The following FBXW11 variants were observed in gnomAD, a reference collection of about 807,000 sequenced individuals.
FBXW11 encodes F-box and WD repeat domain containing 11, also known as F-box/WD repeat-containing protein 11.
Under a neutral mutation model 77.6 loss-of-function variants are expected in FBXW11, and 19 were observed. The observed-to-expected ratio is 0.24, with a 90% CI of 0.17 to 0.36. The LOEUF (loss-of-function observed/expected upper bound fraction) is 0.36, where lower values mean the gene tolerates loss of function less well. Among genes scored for constraint, FBXW11 ranks in the 10% least tolerant of loss-of-function variants. The pLI is 1.00. For missense variants in FBXW11, 334 were observed against 704.2 expected (o/e 0.47, Z 5.95); for synonymous variants, 235 against 249.4 (o/e 0.94, Z 0.54).
chr5:171,987,938 C>T (rs1036890268), intron 1 of FBXW11, among the ~76,000 whole-genome samples: 8 of 152,070 alleles, frequency 5.3e-5, no homozygotes, highest in Non-Finnish European at 7.4e-5. Flanking sequence ...CCAAACAATA[C>T]CTAGAACAGA....
intron 6 of FBXW11, among the ~76,000 whole-genome samples, chr5:171,893,446 A>AAAAAAAAAAAAAAAAC (rs1382279919): frequency 6.8e-6 from 1 of 147,990 alleles, no homozygotes; most frequent in African/African-American, 2.5e-5. Context: ...AAAAAAAAAA[A>AAAAAAAAAAAAAAAAC]ACTAACCCAA....
chr5:171,867,228 T>C (rs571975851), intron 13 of FBXW11, among the ~76,000 whole-genome samples: 2 of 152,322 alleles, frequency 1.3e-5, no homozygotes, highest in African/African-American at 2.4e-5. Flanking sequence ...ATATTTCAGA[T>C]GTTGTAGGCC....
intron 2 of FBXW11, among the ~76,000 whole-genome samples, chr5:171,920,864 G>A (rs1468088217): frequency 5.9e-5 from 9 of 152,000 alleles, no homozygotes; most frequent in Admixed American, 3.3e-4. Context: ...CCTGGGAAAC[G>A]AATGCATTCT....
intron 1 of FBXW11, among the ~76,000 whole-genome samples, chr5:172,001,089 C>A (rs1002606713): frequency 7.2e-5 from 11 of 152,166 alleles, no homozygotes; most frequent in African/African-American, 2.4e-4. Flanking sequence ...ACACACCACC[C>A]ACCTCTTCCC....
chr5:172,005,837 C>T (rs1451055555), intron 1 of FBXW11, among the ~76,000 whole-genome samples: 1 of 152,112 alleles, frequency 6.6e-6, no homozygotes, highest in African/African-American at 2.4e-5. Context: ...GGGTAGGAAA[C>T]CCTTTGTCCG....
At chr5:171,934,281 G>A (rs770412445) in intron 2 of FBXW11, among the ~76,000 whole-genome samples, 4 of 152,048 alleles carry the variant, frequency 2.6e-5, no homozygotes, top group Non-Finnish European at 5.9e-5. Context: ...CAGAAGAAAT[G>A]TAATAAGAAT....
At chr5:171,951,186 T>C (rs1763293877) in intron 2 of FBXW11, among the ~76,000 whole-genome samples, 1 of 135,576 alleles carries the variant, frequency 7.4e-6, no homozygotes, top group South Asian at 2.7e-4. Context: ...GTTCCTATAA[T>C]ACAACCCCCG....
intron 1 of FBXW11, chr5:171,977,487 C>T (rs1197483224): frequency 1.7e-5 from 6 of 357,066 alleles, no homozygotes; most frequent in Admixed American, 6.5e-5. Flanking sequence ...ATATGATCCT[C>T]GCCCCCATGG....
At chr5:171,945,308 G>A (rs1762952282) in intron 2 of FBXW11, among the ~76,000 whole-genome samples, 1 of 152,160 alleles carries the variant, frequency 6.6e-6, no homozygotes, top group African/African-American at 2.4e-5. Flanking sequence ...ATTTAGAAAA[G>A]TCTGTTTACA....
intron 2 of FBXW11, among the ~76,000 whole-genome samples, chr5:171,948,344 A>C (rs547674146): frequency 7.9e-5 from 12 of 152,230 alleles, no homozygotes; most frequent in South Asian, 6.2e-4. Flanking sequence ...ACAAAATGAC[A>C]GAAAACAAAG....
Position 171,876,223 on chromosome 5 carries a change from T to C in FBXW11, c.1221+62A>G, listed in dbSNP as rs1758074450. 1.1e-5 allele frequency: 17 copies of C among 1,595,342 alleles called. No homozygotes were observed. The highest frequency in any genetic ancestry group is 1.5e-5 in the Non-Finnish European group (17 of 1,168,738). Reference sequence around the variant, plus strand: ...GTACCAGGTTGGTATAAGCCACCTCTGCTTTGTCTCTGTTCTAAAAGGGAC... The same window carrying C: ...GTACCAGGTTGGTATAAGCCACCTCCGCTTTGTCTCTGTTCTAAAAGGGAC... On this transcript the variant is annotated intron_variant, in intron 9 of 13. Transcript: ENST00000517395. This position sits in a 1 kb window ranked among gnomAD's most constrained non-coding sequence, Gnocchi z 4.2.
intron 1 of FBXW11, among the ~76,000 whole-genome samples, chr5:172,005,307 A>T (rs558827674): frequency 2.0e-5 from 3 of 152,212 alleles, no homozygotes; most frequent in Non-Finnish European, 4.4e-5. Flanking sequence ...GAAAGATACA[A>T]AGAAACTGTC....
intron 4 of FBXW11, among the ~76,000 whole-genome samples, chr5:171,905,602 T>TCCCC (rs766171553): frequency 2.6e-3 from 113 of 43,820 alleles, no homozygotes; most frequent in East Asian, 4.6e-3. Context: ...CCCCCCCCTT[T>TCCCC]ATTTTCTTGG....
chr5:172,006,317 G>A lies in FBXW11; in HGVS notation c.45+141C>T, dbSNP rs528735620. 1.1e-5 allele frequency: 7 copies of A among 661,236 alleles called. No individual in the cohort carries two copies. In the East Asian group the frequency reaches 2.4e-4, roughly 23 times the overall value. The allele number at this position is 661,236 out of a possible 1,614,324, so 41.0% of individuals were successfully genotyped here. A position where few individuals can be genotyped will look rare whatever the true frequency, so the allele number is the denominator to read the frequency against. The stretch of plus-strand genomic sequence containing the variant: ...CAGAGGAGCCCGCGCCAGGTCCGAG[G>A]CCAGGGAAGGCTGGGGGCCCGGGTC... On this transcript the variant is annotated intron_variant, in intron 1 of 13. Coordinates refer to ENST00000517395, the MANE Select transcript of FBXW11 (RefSeq NM_001378974.1).
intron 6 of FBXW11, among the ~76,000 whole-genome samples, chr5:171,895,741 T>C (rs963505695): frequency 1.3e-5 from 2 of 152,220 alleles, no homozygotes; most frequent in East Asian, 3.9e-4. Context: ...AATCTCAGCT[T>C]TGACAATTCG....
At chr5:171,882,238 T>C (rs1309004389) in intron 7 of FBXW11, among the ~76,000 whole-genome samples, 1 of 152,216 alleles carries the variant, frequency 6.6e-6, no homozygotes, top group Non-Finnish European at 1.5e-5. Flanking sequence ...CCACAGATTT[T>C]GATAACTTGG....
At chr5:171,907,926 A>G (rs899908946) in intron 4 of FBXW11, among the ~76,000 whole-genome samples, 1 of 152,170 alleles carries the variant, frequency 6.6e-6, no homozygotes, top group African/African-American at 2.4e-5. Flanking sequence ...CCTTGTGGCT[A>G]CTCTGCAAAT....
At chr5:171,953,124 C>A (rs1453984758) in intron 2 of FBXW11, among the ~76,000 whole-genome samples, 1 of 152,102 alleles carries the variant, frequency 6.6e-6, no homozygotes, top group Non-Finnish European at 1.5e-5. Flanking sequence ...CACATGCCAC[C>A]ATGTCCACCT....
At chr5:171,968,358 T>C (rs1464682333) in intron 1 of FBXW11, among the ~76,000 whole-genome samples, 6 of 150,860 alleles carry the variant, frequency 4.0e-5, no homozygotes, top group Non-Finnish European at 1.5e-5. Context: ...CACGGGAGGC[T>C]GAGGCAGGAG....
Sources: gnomAD v4.1 joint callset for allele counts (sites outside exome capture counted in the v4.1 genomes callset) on GRCh38, gnomAD v4.1.1 for gene constraint, Gnocchi (gnomAD v3.1) non-coding constraint, MANE v1.5 for transcripts, NCBI Gene and HGNC (gene_info 2026-07-23, HGNC 2026-07-21) for gene names.